BICRAL: variants seen among roughly 807,000 people sequenced by gnomAD.
BICRAL encodes BRD4-interacting chromatin-remodeling complex-associated protein-like.
Under a neutral mutation model 91.8 loss-of-function variants are expected in BICRAL, and 8 were observed. The observed-to-expected ratio is 0.09, with a 90% CI of 0.05 to 0.16. The LOEUF is 0.16. Among genes scored for constraint, BICRAL ranks in the 10% least tolerant of loss-of-function variants. The pLI is 1.00. For synonymous variants in BICRAL, 445 were observed against 491.1 expected (o/e 0.91, Z 1.24); for missense variants, 1,038 against 1,310.9 (o/e 0.79, Z 3.21).
chr6:42,773,802 C>A (rs1190442132), intron 1 of BICRAL, among the ~76,000 whole-genome samples: 4 of 152,268 alleles, frequency 2.6e-5, no homozygotes, highest in African/African-American at 7.2e-5. Flanking sequence ...AGGCGTGAGC[C>A]ACCACGCCCA....
intron 5 of BICRAL, among the ~76,000 whole-genome samples, chr6:42,826,610 A>G (rs975705854): frequency 1.3e-5 from 2 of 152,136 alleles, no homozygotes; most frequent in East Asian, 1.9e-4. Context: ...CCTGGAGACT[A>G]TATCGAGATT....
intron 6 of BICRAL, among the ~76,000 whole-genome samples, chr6:42,836,327 C>A (rs921150538): frequency 6.6e-6 from 1 of 152,058 alleles, no homozygotes; most frequent in Non-Finnish European, 1.5e-5. Context: ...TTCTCTCTGA[C>A]TCCCAAAAGT....
At chr6:42,862,992 C>T (rs1176212605) in intron 12 of BICRAL, among the ~76,000 whole-genome samples, 1 of 151,900 alleles carries the variant, frequency 6.6e-6, no homozygotes, top group African/African-American at 2.4e-5. Context: ...TCTTGTGTAA[C>T]AGCAGTCTGC....
upstream of BICRAL, among the ~76,000 whole-genome samples, chr6:42,780,893 C>G (rs1264900565): frequency 2.0e-5 from 3 of 152,014 alleles, no homozygotes; most frequent in African/African-American, 7.3e-5. Flanking sequence ...CCCACCACCA[C>G]GCCCAGCTAA....
chr6:42,756,883 G>A (rs1238939866), intron 1 of BICRAL, among the ~76,000 whole-genome samples: 1 of 146,494 alleles, frequency 6.8e-6, no homozygotes, highest in Non-Finnish European at 1.5e-5. Flanking sequence ...TCTCGCGCGC[G>A]CGCTCTCTCT....
chr6:42,791,272 T>G (rs1582821020), intron 1 of BICRAL, among the ~76,000 whole-genome samples: 1 of 152,322 alleles, frequency 6.6e-6, no homozygotes, highest in African/African-American at 2.4e-5. Context: ...TCTATAAAGT[T>G]ACGATTTGTT....
chr6:42,747,624 C>A (rs886892485), intron 1 of BICRAL, among the ~76,000 whole-genome samples: 5 of 152,128 alleles, frequency 3.3e-5, no homozygotes, highest in Admixed American at 1.3e-4. Flanking sequence ...AGATTCCCCG[C>A]GCAGGCGGGG....
chr6:42,783,759 G>T (rs1763012531), intron 1 of BICRAL, among the ~76,000 whole-genome samples: 1 of 152,238 alleles, frequency 6.6e-6, no homozygotes, highest in Non-Finnish European at 1.5e-5. Context: ...GGGGCTGGGG[G>T]TCGAGCCTCG....
chr6:42,839,684 CTTTCTGTATTTAATGTATTA>C (rs1764731759), intron 6 of BICRAL, among the ~76,000 whole-genome samples: 1 of 152,018 alleles, frequency 6.6e-6, no homozygotes, highest in South Asian at 2.1e-4. Context: ...ATCATGTATT[CTTTCTGTATTTAATGTATTA>C]TTTCTGTATT....
intron 1 of BICRAL, among the ~76,000 whole-genome samples, chr6:42,756,512 CCT>C (rs1015728735): frequency 6.6e-6 from 1 of 152,250 alleles, no homozygotes; most frequent in African/African-American, 2.4e-5. Context: ...CCTCCCTCTG[CCT>C]CTCTCTTGAG....
At chr6:42,854,138 G>A (rs1164979096) in intron 8 of BICRAL, among the ~76,000 whole-genome samples, 1 of 152,146 alleles carries the variant, frequency 6.6e-6, no homozygotes, top group African/African-American at 2.4e-5. Context: ...GTAACCAGGC[G>A]TATAGGAAGT....
intron 10 of BICRAL, among the ~76,000 whole-genome samples, chr6:42,859,493 AC>A (rs1272189281): frequency 6.6e-6 from 1 of 152,054 alleles, no homozygotes; most frequent in Non-Finnish European, 1.5e-5. Context: ...GAGCCACATG[AC>A]CATGACAGTT....
intron 1 of BICRAL, among the ~76,000 whole-genome samples, chr6:42,751,498 A>C (rs1420621424): frequency 6.6e-6 from 1 of 152,164 alleles, no homozygotes; most frequent in Admixed American, 6.6e-5. Context: ...AGAAGTAAGT[A>C]GTGAAAGCAT....
Position 42,864,888 on chromosome 6 carries a change from T to C in BICRAL, c.2682T>C (p.Ser894=). 1 of 1,614,070 alleles carries C rather than the reference T, an allele frequency of 6.2e-7. No individual in the cohort carries two copies. Among genetic ancestry groups the C allele is most frequent in the Non-Finnish European group, 8.5e-7 (1 of 1,180,014 alleles). The change falls in exon 13 of 13, where the codon TCT becomes TCC. Residue 894 remains serine (S), a synonymous_variant. Transcript: ENST00000314073. ...TGGTCTCTGCAGAAGGAAACATTTC[T>C]AAAAAAACAGAATGCCTTGGCAGAG... The part of the protein sequence containing the change: ...HIVVSAEGNI[S]KKTECLGRAL...
chr6:42,827,631 G>C (rs1043941549), intron 5 of BICRAL, among the ~76,000 whole-genome samples: 5 of 152,224 alleles, frequency 3.3e-5, no homozygotes, highest in Non-Finnish European at 7.3e-5. Flanking sequence ...TGTAATCCTA[G>C]CACTTTGGGA....
At chr6:42,793,331 T>TTTTTTTTTTTTTTTTTTTTTTTG (rs1763332592) in intron 1 of BICRAL, among the ~76,000 whole-genome samples, 1 of 138,812 alleles carries the variant, frequency 7.2e-6, no homozygotes, top group Admixed American at 7.4e-5. Flanking sequence ...TTTTTGTATT[T>TTTTTTTTTTTTTTTTTTTTTTTG]TTAGTAGAGA....
intron 1 of BICRAL, among the ~76,000 whole-genome samples, chr6:42,755,143 C>T (rs1340550327): frequency 6.7e-6 from 1 of 148,668 alleles, no homozygotes; most frequent in Non-Finnish European, 1.5e-5. Context: ...TTTGAAAACC[C>T]TGGGGGAATA....
chr6:42,783,526 G>T (rs1763002326), intron 1 of BICRAL, among the ~76,000 whole-genome samples: 1 of 152,024 alleles, frequency 6.6e-6, no homozygotes, highest in Admixed American at 6.5e-5. Context: ...CTTTCTCGCG[G>T]CGCGGGCGGC....
intron 1 of BICRAL, among the ~76,000 whole-genome samples, chr6:42,770,128 G>A (rs1762696394): frequency 6.6e-6 from 1 of 152,068 alleles, no homozygotes; most frequent in Non-Finnish European, 1.5e-5. Context: ...TCCTCTACCA[G>A]GAGCTCTCTT....
Sources: gnomAD v4.1 joint callset for allele counts (sites outside exome capture counted in the v4.1 genomes callset) on GRCh38, gnomAD v4.1.1 for gene constraint, MANE v1.5 for transcripts, NCBI Gene and HGNC (gene_info 2026-07-23, HGNC 2026-07-21) for gene names.